The following ACTG2 variants were observed in gnomAD, a reference collection of about 807,000 sequenced individuals.
The protein encoded by ACTG2 is actin, gamma-enteric smooth muscle.
ACTG2 carries 16 observed loss-of-function variants against 37.6 expected under a neutral mutation model. The observed-to-expected ratio is 0.43, with a 90% CI of 0.29 to 0.65. The LOEUF is 0.65. Among genes scored for constraint, ACTG2 ranks in the 30% least tolerant of loss-of-function variants. The pLI, the probability that ACTG2 is intolerant of heterozygous loss-of-function variation, is 0.18. For synonymous variants in ACTG2, 181 were observed against 179.9 expected (o/e 1.01, Z -0.05); for missense variants, 238 against 490.9 (o/e 0.48, Z 4.87).
At chr2:73,906,092 GA>G (rs1329503161) in intron 3 of ACTG2, among the ~76,000 whole-genome samples, 1 of 151,860 alleles carries the variant, frequency 6.6e-6, no homozygotes, top group Admixed American at 6.6e-5. Context: ...TTAGGAAAAA[GA>G]AAAAAGCCAA....
At chr2:73,896,878 C>A (rs1679758425) in intron 1 of ACTG2, 1 of 152,240 alleles carries the variant, frequency 6.6e-6, no homozygotes. Flanking sequence ...CCCAGGAAAC[C>A]ACAGTGACTT....
intron 7 of ACTG2, 96 bp from the exon 8 acceptor site, chr2:73,916,488 G>A (rs1300164921): frequency 3.7e-6 from 4 of 1,085,710 alleles, no homozygotes; most frequent in South Asian, 1.5e-5. Context: ...CTGAACTAGG[G>A]TAGTTGCAAC....
At chr2:73,918,240 T>G (rs549877069) in intron 8 of ACTG2, among the ~76,000 whole-genome samples, 1 of 152,208 alleles carries the variant, frequency 6.6e-6, no homozygotes, top group South Asian at 2.1e-4. Flanking sequence ...ATGAGGCAAG[T>G]CTCAAGGACA....
chr2:73,910,496 C>CTTT lies in ACTG2; in HGVS notation c.451+1375_451+1377dup, dbSNP rs1207318059. 6.1e-4 allele frequency among the ~76,000 whole-genome samples: 49 copies of CTTT among 80,588 alleles called. 1 individual carries two copies. The highest frequency in any genetic ancestry group is 2.1e-3 in the African/African-American group (47 of 21,956). The allele number at this position is 80,588 out of a possible 152,430, so 52.9% of individuals were successfully genotyped here. ...ATTCTCCTGCCTCAGCCTCCCATGA[C>CTTT]TTTTTTTTTTTTTTTTTTTTGAGAT... On this transcript the variant is annotated intron_variant, in intron 5 of 8. Coordinates refer to ENST00000345517, the MANE Select transcript of ACTG2 (RefSeq NM_001615.4).
rs150589569 is a variant in ACTG2 at position 73,908,208 on chromosome 2, G to C, written c.256-465G>C. ...GAGCTTGAGCTCTGAAAGAGGGGCT[G>C]CCCAACAGGAACTGTGCTCATGGAG... On this transcript the variant is annotated intron_variant, in intron 3 of 8. Transcript: ENST00000345517. 186 of 461,026 alleles carry C rather than the reference G, an allele frequency of 4.0e-4. 1 individual carries two copies. The highest frequency in any genetic ancestry group is 2.8e-3 in the African/African-American group (142 of 50,138). The allele number at this position is 461,026 out of a possible 1,614,324, so 28.6% of individuals were successfully genotyped here.
intron 1 of ACTG2, among the ~76,000 whole-genome samples, chr2:73,896,396 G>T (rs558452299): frequency 1.2e-4 from 18 of 150,470 alleles, no homozygotes; most frequent in Non-Finnish European, 2.2e-4. Flanking sequence ...AGGCCATACA[G>T]AAACAGGCCG....
intron 7 of ACTG2, 132 bp downstream of exon 7, chr2:73,915,003 G>T: frequency 1.4e-6 from 1 of 727,524 alleles, no homozygotes. Flanking sequence ...ATTTTCCTAG[G>T]AAGGGCCAAA....
intron 3 of ACTG2, among the ~76,000 whole-genome samples, chr2:73,904,777 G>GTGTGTATGTATATATATATATA (rs1427483105): frequency 1.2e-4 from 5 of 42,608 alleles, no homozygotes; most frequent in Admixed American, 6.9e-4. Context: ...GTGTGTGTGT[G>GTGTGTATGTATATATATATATA]TATATATATA....
At chr2:73,915,755 T>C (rs1414817820) in intron 7 of ACTG2, among the ~76,000 whole-genome samples, 1 of 152,084 alleles carries the variant, frequency 6.6e-6, no homozygotes, top group East Asian at 1.9e-4. Flanking sequence ...TTGAAAACAT[T>C]ATACTAAGTG....
chr2:73,909,916 A>G (rs1680093634), intron 5 of ACTG2, among the ~76,000 whole-genome samples: 1 of 152,162 alleles, frequency 6.6e-6, no homozygotes, highest in Non-Finnish European at 1.5e-5. Flanking sequence ...TACTACATTT[A>G]TAAAAATATT....
intron 1 of ACTG2, among the ~76,000 whole-genome samples, chr2:73,896,149 C>T (rs1383202846): frequency 1.3e-5 from 2 of 152,066 alleles, no homozygotes; most frequent in African/African-American, 4.8e-5. Context: ...GCCTGGGCAA[C>T]ATAGCAAGAC....
At chr2:73,916,891 A>T in intron 8 of ACTG2, 126 bp downstream of exon 8, 5 of 1,112,864 alleles carry the variant, frequency 4.5e-6, no homozygotes, top group Non-Finnish European at 6.3e-6. Flanking sequence ...ATCATCCTGG[A>T]CTGGAGCCAA....
intron 7 of ACTG2, among the ~76,000 whole-genome samples, 188 bp from the exon 8 acceptor site, chr2:73,916,396 A>G (rs76551707): frequency 0.049 from 7,365 of 151,140 alleles, 341 homozygotes; most frequent in African/African-American, 0.12. Flanking sequence ...AAAAAGATCA[A>G]TCAGAACTGG....
chr2:73,895,778 T>C (rs961925874), intron 1 of ACTG2, among the ~76,000 whole-genome samples: 9 of 152,206 alleles, frequency 5.9e-5, no homozygotes, highest in African/African-American at 2.2e-4. Flanking sequence ...TAAGAGAGAT[T>C]AATAAGAATC....
At chr2:73,918,005 T>C (rs192823861) in intron 8 of ACTG2, among the ~76,000 whole-genome samples, 1 of 152,316 alleles carries the variant, frequency 6.6e-6, no homozygotes, top group East Asian at 1.9e-4. Context: ...ATTTCCCAAT[T>C]CATGAGCCAC....
intron 3 of ACTG2, among the ~76,000 whole-genome samples, chr2:73,907,483 G>A (rs137891226): frequency 6.6e-6 from 1 of 152,118 alleles, no homozygotes; most frequent in African/African-American, 2.4e-5. Flanking sequence ...CTAAAACAGT[G>A]GTTCTTTTTT....
rs752931254 is a variant in ACTG2, at chr2:73,908,666, C to T, written c.256-7C>T. 3 of 1,596,120 alleles carry T rather than the reference C, an allele frequency of 1.9e-6. No homozygotes were observed. The South Asian group carries it at 3.4e-5, about 18-fold the overall frequency. On this transcript the variant is annotated splice_region_variant and splice_polypyrimidine_tract_variant and intron_variant, in intron 3 of 8. Coordinates refer to ENST00000345517, the MANE Select transcript of ACTG2 (RefSeq NM_001615.4). ...TGCCAGGCTCATATGGCTTTTGTCTCCACTAGATCTGGCACCACTCCTTCT... is the reference window on the plus strand; with the variant it reads ...TGCCAGGCTCATATGGCTTTTGTCTTCACTAGATCTGGCACCACTCCTTCT...
At chr2:73,914,996 T>C (rs1328420743) in intron 7 of ACTG2, 125 bp downstream of exon 7, 7 of 838,350 alleles carry the variant, frequency 8.3e-6, no homozygotes, top group Non-Finnish European at 1.1e-5. Context: ...ACCTCACATT[T>C]TCCTAGGAAG....
At position 73,905,679 on chromosome 2, in the gene ACTG2, A is replaced by T. The variant is rs147884575; in HGVS notation, c.256-2994A>T. ...AACAGCCACTTTTTTATTCTGAAGTAAAGATTGGTTTAGCCTATTTGTTAA... is the reference window on the plus strand; with the variant it reads ...AACAGCCACTTTTTTATTCTGAAGTTAAGATTGGTTTAGCCTATTTGTTAA... On this transcript the variant is annotated intron_variant, in intron 3 of 8. Coordinates refer to ENST00000345517, the MANE Select transcript of ACTG2 (RefSeq NM_001615.4). 3.0e-3 allele frequency among the ~76,000 whole-genome samples: 452 copies of T among 152,352 alleles called. 2 individuals carry two copies. The highest frequency in any genetic ancestry group is 0.01 in the African/African-American group (432 of 41,594).
Sources: gnomAD v4.1 joint callset for allele counts (sites outside exome capture counted in the v4.1 genomes callset) on GRCh38, gnomAD v4.1.1 for gene constraint, MANE v1.5 for transcripts, NCBI Gene and HGNC (gene_info 2026-07-23, HGNC 2026-07-21) for gene names.